The following CLK2 variants were observed in gnomAD, a reference collection of about 807,000 sequenced individuals.
The protein encoded by CLK2 is CDC like kinase 2, also known as dual specificity protein kinase CLK2.
A neutral mutation model predicts 73.5 loss-of-function variants in CLK2; 12 were observed. The ratio of observed to expected loss-of-function variants is 0.16; its 90% CI spans 0.10 to 0.26. The LOEUF (loss-of-function observed/expected upper bound fraction) is 0.26, where lower values mean the gene tolerates loss of function less well. CLK2 is among the 10% of genes least tolerant of loss of function. CLK2 has a pLI of 1.00. For synonymous variants in CLK2, 232 were observed against 237.9 expected, an observed-to-expected ratio of 0.98 and a Z score of 0.23; for missense variants, 509 against 688.4, an observed-to-expected ratio of 0.74 and a Z score of 2.92.
intron 2 of CLK2, among the ~76,000 whole-genome samples, chr1:155,270,043 C>G (rs1358964070): frequency 6.6e-6 from 1 of 152,096 alleles, no homozygotes; most frequent in Non-Finnish European, 1.5e-5. Flanking sequence ...CCATCCTTAA[C>G]CCATTCTTTC....
Position 155,268,147 on chromosome 1 carries a change from CT to C in CLK2, c.555-22del, listed in dbSNP as rs990098967. 6.2e-7 allele frequency: 1 copy of C among 1,604,088 alleles called. No homozygotes were observed. The highest frequency in any genetic ancestry group is 8.5e-7 in the Non-Finnish European group (1 of 1,170,840). Reference sequence around the variant, plus strand: ...CACCCCTGTAAGTTGGCAGGAGAGGCTTTTGCTGGGTTCTCAAGAATGTCTC... The same window carrying C: ...CACCCCTGTAAGTTGGCAGGAGAGGCTTTGCTGGGTTCTCAAGAATGTCTC... On this transcript the variant is annotated intron_variant, in intron 5 of 12. Coordinates refer to ENST00000368361, the MANE Select transcript of CLK2 (RefSeq NM_001294338.2). This position sits in a 1 kb window ranked among gnomAD's most constrained non-coding sequence, Gnocchi z 5.6.
In CLK2 at chr1:155,268,227, A is replaced by C. The variant is rs1186965446; in HGVS notation, c.554+66T>G. On this transcript the variant is annotated intron_variant, in intron 5 of 12. Transcript: ENST00000368361. This position sits in a 1 kb window ranked among gnomAD's most constrained non-coding sequence, Gnocchi z 5.6. ...GAAATTCTACCTCAGGTTAATTAGC[A>C]AAAAAGCCCCATATAACCCCAACCA... 6 of 1,568,772 alleles carry C rather than the reference A, an allele frequency of 3.8e-6. No homozygotes were observed. The African/African-American group carries it at 4.1e-5, about 11-fold the overall frequency.
intron 12 of CLK2, 106 bp from the exon 13 acceptor site, chr1:155,263,506 C>T: frequency 6.7e-7 from 1 of 1,488,824 alleles, no homozygotes; most frequent in Non-Finnish European, 8.9e-7. Flanking sequence ...TGCTTGCAAC[C>T]AATTTGAAGG....
At chr1:155,264,581 T>C (rs370101901) in intron 9 of CLK2, 31 bp from the exon 10 acceptor site, 20 of 1,614,134 alleles carry the variant, frequency 1.2e-5, no homozygotes, top group Admixed American at 1.7e-5. Context: ...AAAGGTGTTA[T>C]GAGGCTTAGG....
rs771750477 is a variant in CLK2, at chr1:155,269,526, G to C, written c.361C>G (p.Arg121Gly). 3.7e-6 allele frequency: 6 copies of C among 1,613,940 alleles called. No individual in the cohort carries two copies. The South Asian group carries it at 6.6e-5, about 18-fold the overall frequency. Residue 121 changes from arginine to glycine, a missense_variant, in exon 3 of 13, where the codon CGG becomes GGG. Arg to Gly is a moderately radical substitution (Grantham distance 125). Coordinates refer to ENST00000368361, the MANE Select transcript of CLK2 (RefSeq NM_001294338.2). ...CTAAATGTCCGGCTGCGCCTCCTCC[G>C]CCGTCTGTGCTTCCTCCGGCTGCTG... is the stretch of plus-strand genomic sequence containing the variant. ...QRSSRRKHRRRRRRSRTFSRS... is the reference protein window; with the variant it reads ...QRSSRRKHRRGRRRSRTFSRS...
chr1:155,270,731 T>C, intron 2 of CLK2, 77 bp downstream of exon 2: 12 of 1,480,610 alleles, frequency 8.1e-6, no homozygotes, highest in Non-Finnish European at 1.1e-5. Flanking sequence ...GGTTTTAGCA[T>C]ATAACCAATA....
Position 155,270,856 on chromosome 1 carries a change from C to G in CLK2, c.122G>C (p.Arg41Pro), listed in dbSNP as rs563407962. 1 of 1,613,814 alleles carries G rather than the reference C, an allele frequency of 6.2e-7. No individual in the cohort carries two copies. The highest frequency in any genetic ancestry group is 2.2e-5 in the East Asian group (1 of 44,880). Residue 41 changes from arginine to proline, a missense_variant, in exon 2 of 13, where the codon CGG becomes CCG. This residue lies in a region of CLK2 where 222 missense variants were observed against 221.7 expected (regional missense o/e 1.00). Transcript: ENST00000368361. The part of the protein sequence containing the change: ...RSRSWSSSSD[R>P]TRRRRREDSY... The stretch of plus-strand genomic sequence containing the variant: ...GTCCTCTCGCCGACGCCGTCGTGTC[C>G]GGTCACTACTACTTGACCAGGAGCG...
At position 155,265,423 on chromosome 1, in the gene CLK2, C is replaced by T. The variant is rs957403045; in HGVS notation, c.933+437G>A. 2.0e-5 allele frequency among the ~76,000 whole-genome samples: 3 copies of T among 151,986 alleles called. 1 individual carries two copies. In the South Asian group the frequency reaches 6.2e-4, roughly 32 times the overall value. The stretch of plus-strand genomic sequence containing the variant: ...CTCTACTAAAAACACAAAAACTAGC[C>T]AGGCGTGGTGGCGGGTGCCTGTAAT... On this transcript the variant is annotated intron_variant, in intron 8 of 12. Transcript: ENST00000368361.
At chr1:155,270,243 TG>T in intron 2 of CLK2, among the ~76,000 whole-genome samples, 2 of 151,538 alleles carry the variant, frequency 1.3e-5, no homozygotes, top group Admixed American at 1.3e-4. Context: ...TGATGGCGCA[TG>T]CCTGTAGTCC....
At position 155,264,774 on chromosome 1, in the gene CLK2, T is replaced by G; in HGVS notation, c.934A>C (p.Lys312Gln). 1.2e-6 allele frequency: 2 copies of G among 1,614,218 alleles called. No homozygotes were observed. The highest frequency in any genetic ancestry group is 1.7e-6 in the Non-Finnish European group (2 of 1,180,006). The change falls in exon 9 of 13, where the codon AAG becomes CAG. Residue 312 changes from lysine (K) to glutamine (Q), a missense_variant and splice_region_variant. Physicochemically the swap from Lys to Gln is moderately conservative, Grantham distance 53. Around this residue, in one of 6 missense-constraint regions of CLK2, gnomAD observed 48 missense variants for 144.9 expected, o/e 0.33. Coordinates refer to ENST00000368361, the MANE Select transcript of CLK2 (RefSeq NM_001294338.2). ...CTCTTCACACTGCGCTCATCTCGCT[T>G]CTAGGAGCAGAGGAGAAAGAGGATG... is the stretch of plus-strand genomic sequence containing the variant. ...DYELTYNLEK[K>Q]RDERSVKSTA... is the part of the protein sequence containing the mutation.
intron 6 of CLK2, among the ~76,000 whole-genome samples, chr1:155,267,304 G>A (rs2148137732): frequency 6.6e-6 from 1 of 152,200 alleles, no homozygotes; most frequent in East Asian, 1.9e-4. Context: ...TATTGGCCAG[G>A]CTGGTCTCGA....
At chr1:155,271,009 G>C in intron 1 of CLK2, 32 bp from the exon 2 acceptor site, 2 of 1,594,782 alleles carry the variant, frequency 1.3e-6, no homozygotes, top group Non-Finnish European at 1.7e-6. Flanking sequence ...AAATAGGAAA[G>C]TTTCGAGTTT....
In CLK2 at chr1:155,268,640, T is replaced by C; in HGVS notation, c.487+68A>G. ...AAAGGCAAGAGGCTGTGACTCAGGT[T>C]GGCTTGGGACGTTAGGATGGCTATG... On this transcript the variant is annotated intron_variant, in intron 4 of 12. Coordinates refer to ENST00000368361, the MANE Select transcript of CLK2 (RefSeq NM_001294338.2). The surrounding 1 kb of genome is among the most constrained non-coding windows in gnomAD (Gnocchi z 5.6). 1 of 1,418,326 alleles carries C rather than the reference T, an allele frequency of 7.1e-7. No homozygotes were observed. Among genetic ancestry groups the C allele is most frequent in the Non-Finnish European group, 1.0e-6 (1 of 1,001,950 alleles). The allele number at this position is 1,418,326 out of a possible 1,614,324, so 87.9% of individuals were successfully genotyped here.
At chr1:155,267,083 A>G (rs1673264473) in intron 6 of CLK2, among the ~76,000 whole-genome samples, 188 bp from the exon 7 acceptor site, 1 of 152,042 alleles carries the variant, frequency 6.6e-6, no homozygotes, top group Non-Finnish European at 1.5e-5. Flanking sequence ...GAATGGTACT[A>G]TCTGCCAGGT....
chr1:155,263,492 G>C, intron 12 of CLK2, 92 bp from the exon 13 acceptor site: 1 of 1,513,650 alleles, frequency 6.6e-7, no homozygotes, highest in Non-Finnish European at 8.8e-7. Context: ...GAGAACCAAG[G>C]CTCTGCTTGC....
At chr1:155,269,089 A>G (rs1303868622) in intron 3 of CLK2, 3 of 582,462 alleles carry the variant, frequency 5.2e-6, no homozygotes, top group Admixed American at 3.0e-5. Context: ...GCTCTACACA[A>G]TGCCCTTCCG....
chr1:155,265,714 A>G lies in CLK2; in HGVS notation c.933+146T>C, dbSNP rs960855850. The G allele has an allele frequency of 3.1e-5, 21 of 677,596 alleles. No individual in the cohort carries two copies. In the Middle Eastern group the frequency reaches 1.5e-3, roughly 48 times the overall value. 42.0% of individuals were successfully genotyped at this position (677,596 alleles called of 1,614,324 possible). A position where few individuals can be genotyped will look rare whatever the true frequency, so the allele number is the denominator to read the frequency against. On this transcript the variant is annotated intron_variant, in intron 8 of 12. Coordinates refer to ENST00000368361, the MANE Select transcript of CLK2 (RefSeq NM_001294338.2). Reference sequence around the variant, plus strand: ...CTTCTTAAGAGATTTCTCCCTTTCAACCTATTTAGTTTTACCCAGTTGGAG... The same window carrying G: ...CTTCTTAAGAGATTTCTCCCTTTCAGCCTATTTAGTTTTACCCAGTTGGAG...
intron 3 of CLK2, 97 bp downstream of exon 3, chr1:155,269,391 C>T (rs980053626): frequency 2.7e-6 from 3 of 1,102,738 alleles, no homozygotes; most frequent in African/African-American, 3.1e-5. Context: ...TGTTCATGCC[C>T]CAATGTTCAG....
intron 1 of CLK2, 27 bp from the exon 2 acceptor site, chr1:155,271,004 G>C (rs1673478324): frequency 6.3e-7 from 1 of 1,596,822 alleles, no homozygotes; most frequent in African/African-American, 1.3e-5. Flanking sequence ...AGCGGAAATA[G>C]GAAAGTTTCG....
Sources: gnomAD v4.1 joint callset for allele counts (sites outside exome capture counted in the v4.1 genomes callset) on GRCh38, gnomAD v4.1.1 for gene constraint, gnomAD v4.1.1 regional missense constraint, Gnocchi (gnomAD v3.1) non-coding constraint, MANE v1.5 for transcripts, NCBI Gene and HGNC (gene_info 2026-07-23, HGNC 2026-07-21) for gene names.